Variants in SNX3 observed in about 807,000 individuals in gnomAD.
SNX3 encodes the protein sorting nexin-3.
Under a neutral mutation model 17.7 loss-of-function variants are expected in SNX3, and 5 were observed. The observed-to-expected ratio is 0.28, with a 90% confidence interval of 0.15 to 0.59. The LOEUF (loss-of-function observed/expected upper bound fraction) is 0.59. SNX3 is among the 20% of genes least tolerant of loss of function. The pLI is 0.88. For synonymous variants in SNX3, 91 were observed against 76.5 expected (o/e 1.19, Z -0.99); for missense variants, 132 against 206.8 (o/e 0.64, Z 2.22).
intron 1 of SNX3, among the ~76,000 whole-genome samples, chr6:108,228,520 T>G (rs1050089253): frequency 6.6e-6 from 1 of 151,442 alleles, no homozygotes; most frequent in Non-Finnish European, 1.5e-5. Context: ...CACTCCAGCC[T>G]GGGCAACAAG....
chr6:108,225,181 C>T (rs1210948585), intron 1 of SNX3, among the ~76,000 whole-genome samples: 2 of 152,164 alleles, frequency 1.3e-5, no homozygotes, highest in Non-Finnish European at 2.9e-5. Context: ...ACTCAGGAGG[C>T]TGAGGCAGGA....
At chr6:108,233,503 T>C (rs217134) in intron 1 of SNX3, among the ~76,000 whole-genome samples, 314 of 152,322 alleles carry the variant, frequency 2.1e-3, no homozygotes, top group African/African-American at 6.7e-3. Flanking sequence ...TTTCAAATGA[T>C]TCTCAAGTGC....
chr6:108,239,462 A>T (rs908020605), intron 1 of SNX3, among the ~76,000 whole-genome samples: 2 of 152,214 alleles, frequency 1.3e-5, no homozygotes, highest in African/African-American at 4.8e-5. Flanking sequence ...GTCTCTTAAA[A>T]GAAAAAGAAA....
At chr6:108,234,412 C>T (rs545760553) in intron 1 of SNX3, among the ~76,000 whole-genome samples, 9 of 152,058 alleles carry the variant, frequency 5.9e-5, no homozygotes, top group South Asian at 2.1e-4. Context: ...ATTAGCCAGG[C>T]GTGGAGGCAT....
chr6:108,238,034 T>C (rs941405103), intron 1 of SNX3, among the ~76,000 whole-genome samples: 2 of 133,288 alleles, frequency 1.5e-5, no homozygotes, highest in African/African-American at 5.9e-5. Context: ...AGGTCAAGGA[T>C]GAAGATGAAG....
chr6:108,242,685 C>T (rs1391405504), intron 1 of SNX3, among the ~76,000 whole-genome samples: 2 of 152,176 alleles, frequency 1.3e-5, no homozygotes, highest in Non-Finnish European at 2.9e-5. Flanking sequence ...GGTTACATTA[C>T]ATGGCAAAGG....
chr6:108,219,228 G>A (rs950189382), intron 2 of SNX3, among the ~76,000 whole-genome samples: 7 of 151,972 alleles, frequency 4.6e-5, no homozygotes, highest in African/African-American at 1.7e-4. Flanking sequence ...ACAAAAAAAA[G>A]CAAAATATAC....
intron 1 of SNX3, among the ~76,000 whole-genome samples, chr6:108,254,475 G>C (rs1283529142): frequency 6.6e-6 from 1 of 152,094 alleles, no homozygotes; most frequent in East Asian, 1.9e-4. Context: ...TCAAACAAAA[G>C]TACGGGCTCT....
intron 1 of SNX3, among the ~76,000 whole-genome samples, chr6:108,259,636 A>G (rs568839235): frequency 7.2e-5 from 11 of 152,246 alleles, no homozygotes; most frequent in Non-Finnish European, 1.5e-4. Context: ...AATCAATGCT[A>G]ACTACGTAAG....
At chr6:108,226,612 C>T (rs1460237049) in intron 1 of SNX3, among the ~76,000 whole-genome samples, 1 of 152,294 alleles carries the variant, frequency 6.6e-6, no homozygotes, top group East Asian at 1.9e-4. Flanking sequence ...AGACTGGCTT[C>T]CTACTGTGTA....
At chr6:108,246,313 CTTTTTT>C (rs71015538) in intron 1 of SNX3, among the ~76,000 whole-genome samples, 39 of 47,980 alleles carry the variant, frequency 8.1e-4, no homozygotes, top group African/African-American at 3.1e-3. Flanking sequence ...TTTGAGCATT[CTTTTTT>C]TTTTTTTTTT....
At chr6:108,222,885 G>C (rs1366780505) in intron 2 of SNX3, 65 bp downstream of exon 2, 1 of 939,752 alleles carries the variant, frequency 1.1e-6, no homozygotes, top group Non-Finnish European at 1.7e-6. Flanking sequence ...TCATTTTCCT[G>C]AGAAATATTA....
chr6:108,213,668 AT>A (rs1431551054), intron 3 of SNX3, among the ~76,000 whole-genome samples: 3 of 151,836 alleles, frequency 2.0e-5, no homozygotes, highest in East Asian at 1.9e-4. Flanking sequence ...AAAAAAAAAA[AT>A]CTAATATAGT....
At chr6:108,220,785 C>G (rs1030809399) in intron 2 of SNX3, among the ~76,000 whole-genome samples, 3 of 152,152 alleles carry the variant, frequency 2.0e-5, no homozygotes, top group Non-Finnish European at 4.4e-5. Context: ...CGAGACCAGC[C>G]TGGCCAACAT....
chr6:108,212,177 T>C lies in SNX3; in HGVS notation c.461A>G (p.Tyr154Cys), dbSNP rs11537585. The change falls in exon 4 of 4, where the codon TAT becomes TGT. Residue 154 changes from tyrosine to cysteine, a missense_variant. Around this residue, in one of 2 missense-constraint regions of SNX3, gnomAD observed 54 missense variants for 118.0 expected, o/e 0.46. Coordinates refer to ENST00000230085, the MANE Select transcript of SNX3 (RefSeq NM_003795.6). ...FLQDEIIDKS[Y>C]TPSKIRHA ...GGCATGTCTTATTTTAGATGGAGTA[T>C]AGCTTTTATCTATTATTTCATCTTG... The C allele has an allele frequency of 6.2e-7, 1 of 1,608,700 alleles. No individual in the cohort carries two copies. Among genetic ancestry groups the C allele is most frequent in the Non-Finnish European group, 8.5e-7 (1 of 1,177,504 alleles).
intron 1 of SNX3, among the ~76,000 whole-genome samples, chr6:108,235,014 C>T (rs1195648770): frequency 6.6e-6 from 1 of 152,194 alleles, no homozygotes; most frequent in Admixed American, 6.5e-5. Context: ...TCCAGAAAGG[C>T]TACTTTGCTA....
chr6:108,243,671 C>G (rs1775593063), intron 1 of SNX3, among the ~76,000 whole-genome samples: 1 of 152,192 alleles, frequency 6.6e-6, no homozygotes, highest in South Asian at 2.1e-4. Flanking sequence ...TGGCTGACAC[C>G]TGTAATCCCA....
intron 1 of SNX3, among the ~76,000 whole-genome samples, chr6:108,224,364 T>G (rs1319282356): frequency 2.0e-5 from 3 of 152,194 alleles, no homozygotes; most frequent in Middle Eastern, 3.2e-3. Context: ...CACTGAGATC[T>G]CCGCCGCCTG....
intron 1 of SNX3, among the ~76,000 whole-genome samples, chr6:108,228,545 TA>T (rs550060759): frequency 0.075 from 10,826 of 145,114 alleles, 1,321 homozygotes; most frequent in African/African-American, 0.26. Flanking sequence ...AAACTCTGTT[TA>T]AAAAAAAAAA....
Sources: gnomAD v4.1 joint callset for allele counts (sites outside exome capture counted in the v4.1 genomes callset) on GRCh38, gnomAD v4.1.1 for gene constraint, gnomAD v4.1.1 regional missense constraint, MANE v1.5 for transcripts, NCBI Gene and HGNC (gene_info 2026-07-23, HGNC 2026-07-21) for gene names.